RARB: variants seen among roughly 807,000 people sequenced by gnomAD.
RARB encodes the protein HBV-activated protein.
Under a neutral mutation model 51.9 loss-of-function variants are expected in RARB, and 17 were observed. The observed-to-expected ratio is 0.33, with a 90% confidence interval of 0.22 to 0.49. RARB has a LOEUF of 0.49. RARB is among the 20% of genes least tolerant of loss of function. RARB has a pLI of 0.99. For missense variants in RARB, 369 were observed against 550.8 expected (o/e 0.67, Z 3.30); for synonymous variants, 215 against 195.4 (o/e 1.10, Z -0.84).
At chr3:25,255,235 A>G (rs1480264442) in intron 5 of RARB, among the ~76,000 whole-genome samples, 1 of 152,132 alleles carries the variant, frequency 6.6e-6, no homozygotes, top group South Asian at 2.1e-4. Context: ...TTTTCTGGAG[A>G]TCAGATCCTG....
intron 5 of RARB, among the ~76,000 whole-genome samples, chr3:25,325,700 C>T (rs965959728): frequency 1.3e-5 from 2 of 151,690 alleles, no homozygotes; most frequent in Non-Finnish European, 2.9e-5. Flanking sequence ...GGTGATGAGC[C>T]CTCCCCATGC....
chr3:25,174,283 C>T, exon 5 of RARB: 1 of 911,716 alleles, frequency 1.1e-6, no homozygotes, highest in South Asian at 1.4e-5. Context: ...GACTTTGGCC[C>T]AGAACACAGC....
intron 5 of RARB, among the ~76,000 whole-genome samples, chr3:25,331,968 A>G (rs1188204512): frequency 6.6e-6 from 1 of 152,230 alleles, no homozygotes; most frequent in Non-Finnish European, 1.5e-5. Flanking sequence ...TCCCAAGACT[A>G]AACCAGGAAG....
chr3:24,907,822 T>C (rs192586656), intron 2 of RARB, among the ~76,000 whole-genome samples: 219 of 152,212 alleles, frequency 1.4e-3, no homozygotes, highest in Middle Eastern at 0.014. Context: ...CCTTTAAATA[T>C]AGAAATGAAC....
intron 2 of RARB, among the ~76,000 whole-genome samples, chr3:25,059,851 A>G (rs1698513115): frequency 6.6e-6 from 1 of 151,816 alleles, no homozygotes; most frequent in Admixed American, 6.6e-5. Flanking sequence ...AGGTTGGTAA[A>G]TACGGTAGCA....
intron 3 of RARB, among the ~76,000 whole-genome samples, chr3:25,121,049 A>C (rs966764312): frequency 1.3e-5 from 2 of 152,208 alleles, no homozygotes; most frequent in African/African-American, 4.8e-5. Context: ...AAAGTGCTGT[A>C]ACAGAAGTAT....
chr3:25,345,987 G>A lies in RARB; in HGVS notation c.179-115206G>A, dbSNP rs564235487. The A allele has an allele frequency of 3.1e-5, 19 of 612,664 alleles. No individual in the cohort carries two copies. In the South Asian group the frequency reaches 3.7e-4, roughly 12 times the overall value. The allele number at this position is 612,664 out of a possible 1,614,324, so 38.0% of individuals were successfully genotyped here. On this transcript the variant is annotated intron_variant, in intron 5 of 11. Transcript: ENST00000383772. ...AAGTCTGCAGTTTGGGGCTGGCTCC[G>A]ATGAGTAGTTCTTCTGACCCGGGCT... is the stretch of plus-strand genomic sequence containing the variant.
intron 3 of RARB, among the ~76,000 whole-genome samples, chr3:25,095,943 C>T (rs995283115): frequency 3.3e-5 from 5 of 152,092 alleles, no homozygotes; most frequent in Admixed American, 3.3e-4. Flanking sequence ...AGCACTGTGG[C>T]AGAAAGCAGG....
rs530955907 is a variant in RARB at position 25,546,651 on chromosome 3, C to G, written c.449-23107C>G. ...GGAAAAAAAAAGAGTACCCTTTTAACAATAATCAAAGCAACATAGGGTCAC... is the reference window on the plus strand; with the variant it reads ...GGAAAAAAAAAGAGTACCCTTTTAAGAATAATCAAAGCAACATAGGGTCAC... On this transcript the variant is annotated intron_variant, in intron 3 of 7. Transcript: ENST00000330688. Among the ~76,000 whole-genome samples the G allele has an allele frequency of 3.9e-5, 6 of 152,024 alleles. No homozygotes were observed. The South Asian group carries it at 1.2e-3, about 32-fold the overall frequency.
intron 1 of RARB, among the ~76,000 whole-genome samples, chr3:24,843,329 A>G (rs1702442614): frequency 6.6e-6 from 1 of 152,200 alleles, no homozygotes; most frequent in East Asian, 1.9e-4. Flanking sequence ...TAAAACATTA[A>G]TTTTAAAAGA....
intron 3 of RARB, among the ~76,000 whole-genome samples, chr3:25,063,391 T>C (rs1346671698): frequency 6.6e-6 from 1 of 152,074 alleles, no homozygotes; most frequent in Non-Finnish European, 1.5e-5. Context: ...AGCCATGCCT[T>C]CTAACTTGGA....
intron 5 of RARB, among the ~76,000 whole-genome samples, chr3:25,193,088 C>T (rs1470100053): frequency 3.3e-5 from 5 of 152,034 alleles, no homozygotes; most frequent in Non-Finnish European, 7.4e-5. Flanking sequence ...GGCATGAGGG[C>T]CTCAAGTAAT....
chr3:25,400,083 G>C (rs1399091479), intron 5 of RARB, among the ~76,000 whole-genome samples: 1 of 152,140 alleles, frequency 6.6e-6, no homozygotes, highest in Non-Finnish European at 1.5e-5. Flanking sequence ...ATTTAATAAT[G>C]CTACCCATTA....
rs376155093 is a variant in RARB at position 25,461,384 on chromosome 3, A to G, written c.306+43A>G. ...TGTGCCTGATGAACTCTCATTCTCC[A>G]TGTACTTTATGGAGGTGACCTACCC... On this transcript the variant is annotated intron_variant, in intron 2 of 7. Coordinates refer to ENST00000330688, the MANE Select transcript of RARB (RefSeq NM_000965.5). 3.5e-5 allele frequency: 56 copies of G among 1,597,474 alleles called. No homozygotes were observed. In the African/African-American group the frequency reaches 4.8e-4, roughly 14 times the overall value.
intron 5 of RARB, among the ~76,000 whole-genome samples, chr3:25,256,041 T>C (rs1702856565): frequency 6.6e-6 from 1 of 152,176 alleles, no homozygotes; most frequent in African/African-American, 2.4e-5. Flanking sequence ...TGTTTGACAA[T>C]ATTTCTATGT....
intron 2 of RARB, among the ~76,000 whole-genome samples, chr3:24,864,093 A>G (rs1032596019): frequency 2.0e-5 from 3 of 152,098 alleles, no homozygotes; most frequent in Non-Finnish European, 4.4e-5. Flanking sequence ...TTGCTCCTCT[A>G]TCCTTCTTTT....
At chr3:25,365,286 A>AT (rs1415173037) in intron 5 of RARB, among the ~76,000 whole-genome samples, 4 of 128,856 alleles carry the variant, frequency 3.1e-5, no homozygotes, top group Admixed American at 9.5e-5. Context: ...TGCCCAGCTA[A>AT]TTTTTTGTGA....
chr3:25,347,606 C>T (rs989803733), intron 5 of RARB, among the ~76,000 whole-genome samples: 1 of 152,192 alleles, frequency 6.6e-6, no homozygotes, highest in African/African-American at 2.4e-5. Context: ...CCCAAGTTAG[C>T]AGCCAAAAGG....
chr3:24,872,030 A>G (rs766195215), intron 2 of RARB, among the ~76,000 whole-genome samples: 21 of 152,252 alleles, frequency 1.4e-4, no homozygotes, highest in Non-Finnish European at 2.8e-4. Flanking sequence ...TGTTTTCAAT[A>G]TAACCTTTTA....
Sources: gnomAD v4.1 joint callset for allele counts (sites outside exome capture counted in the v4.1 genomes callset) on GRCh38, gnomAD v4.1.1 for gene constraint, MANE v1.5 for transcripts, NCBI Gene and HGNC (gene_info 2026-07-23, HGNC 2026-07-21) for gene names.